The following WAC variants were observed in gnomAD, a reference collection of about 807,000 sequenced individuals.
The protein encoded by WAC is WW domain-containing adapter protein with coiled-coil.
In WAC, 11 loss-of-function variants were observed where a neutral mutation model predicts 79.6. That is an observed-to-expected ratio of 0.14 (90% confidence interval 0.09 to 0.23). WAC has a LOEUF of 0.23. Among genes scored for constraint, WAC ranks in the 10% least tolerant of loss-of-function variants. The probability of loss-of-function intolerance (pLI) is 1.00; values close to 1 mark genes in which losing one functional copy is unlikely to be tolerated. For missense variants in WAC, 728 were observed against 773.5 expected, an observed-to-expected ratio of 0.94 and a Z score of 0.70; for synonymous variants, 304 against 276.9, an observed-to-expected ratio of 1.10 and a Z score of -0.97.
At chr10:28,614,499 A>T in intron 10 of WAC, 68 bp from the exon 11 acceptor site, 1 of 1,151,136 alleles carries the variant, frequency 8.7e-7, no homozygotes, top group Non-Finnish European at 1.3e-6. Context: ...CAAGACGATT[A>T]CCTAGATTTT....
In WAC at chr10:28,586,854, T is replaced by C. The variant is rs1839844010; in HGVS notation, c.382-2882T>C. On this transcript the variant is annotated intron_variant, in intron 4 of 13. Coordinates refer to ENST00000354911, the MANE Select transcript of WAC (RefSeq NM_016628.5). ...TAATTGAGATTTTCCCTTCTAAATA[T>C]TCTATGCCAATTTTGATTTGCTGGG... 2.6e-5 allele frequency among the ~76,000 whole-genome samples: 4 copies of C among 152,346 alleles called. No individual in the cohort carries two copies. The South Asian group carries it at 6.2e-4, about 24-fold the overall frequency.
rs145366154 is a variant in WAC, at chr10:28,592,354, T to G, written c.610+1522T>G. Among the ~76,000 whole-genome samples the G allele has an allele frequency of 2.9e-3, 437 of 152,250 alleles. 3 individuals are homozygous for G. Among genetic ancestry groups the G allele is most frequent in the African/African-American group, 9.9e-3 (410 of 41,530 alleles). On this transcript the variant is annotated intron_variant, in intron 6 of 13. Coordinates refer to ENST00000354911, the MANE Select transcript of WAC (RefSeq NM_016628.5). ...ATGAGTGACAGATGGCTGGGTGTGA[T>G]GGCTCACACCTGTAATCCCAACACT...
chr10:28,563,845 T>A (rs1186687270), intron 3 of WAC, among the ~76,000 whole-genome samples: 1 of 149,666 alleles, frequency 6.7e-6, no homozygotes, highest in East Asian at 2.0e-4. Flanking sequence ...CGTGATCCGC[T>A]GCCTTGGTCT....
At chr10:28,608,516 CTTTGT>C (rs1841069475) in intron 8 of WAC, 85 bp downstream of exon 8, 2 of 1,335,112 alleles carry the variant, frequency 1.5e-6, no homozygotes, top group South Asian at 1.6e-5. Flanking sequence ...TAGGAATGGT[CTTTGT>C]TTTCTTTTGA....
chr10:28,616,256 C>A lies in WAC; in HGVS notation c.1640C>A (p.Ser547Tyr). 5 of 1,614,064 alleles carry A rather than the reference C, an allele frequency of 3.1e-6. No individual in the cohort carries two copies. Among genetic ancestry groups the A allele is most frequent in the East Asian group, 2.2e-5 (1 of 44,870 alleles). The change falls in exon 12 of 14, where the codon TCT (serine) becomes TAT (tyrosine). Residue 547 changes from serine (S) to tyrosine (Y), a missense_variant. By Grantham distance (144) the Ser-to-Tyr change is moderately radical (BLOSUM62 -2). Around this residue, in one of 3 missense-constraint regions of WAC, gnomAD observed 648 missense variants for 661.5 expected, o/e 0.98. Transcript: ENST00000354911. ...AATGCAACAGTTGTACCACAGAATT[C>A]TTCTGCCCGATCCACGTGTTCATTA... is the stretch of plus-strand genomic sequence containing the variant. ...ASNATVVPQNSSARSTCSLTP... is the reference protein window; with the variant it reads ...ASNATVVPQNYSARSTCSLTP...
chr10:28,587,850 G>A (rs995603911), intron 4 of WAC, among the ~76,000 whole-genome samples: 1 of 152,006 alleles, frequency 6.6e-6, no homozygotes, highest in African/African-American at 2.4e-5. Context: ...ACCGGTGCTC[G>A]GGTTTGTGAA....
rs751673681 is a variant in WAC, at chr10:28,608,172, A to G, written c.920-14A>G. 6.2e-7 allele frequency: 1 copy of G among 1,612,260 alleles called. No homozygotes were observed. Among genetic ancestry groups the G allele is most frequent in the Non-Finnish European group, 8.5e-7 (1 of 1,179,086 alleles). On this transcript the variant is annotated splice_polypyrimidine_tract_variant and intron_variant, in intron 7 of 13. Transcript: ENST00000354911. ...ATTCAGGTAATTTTTCAGGCTGATTATCTTTTTATTTAGAATCTACATCAG... is the reference window on the plus strand; with the variant it reads ...ATTCAGGTAATTTTTCAGGCTGATTGTCTTTTTATTTAGAATCTACATCAG...
At chr10:28,532,900 G>A (rs574337263), upstream of WAC, 1 of 153,092 alleles carries the variant, frequency 6.5e-6, no homozygotes, top group African/African-American at 2.4e-5. Flanking sequence ...ATCCCTAAAC[G>A]GGAACGGCGG....
chr10:28,582,480 T>A (rs1839588770), intron 3 of WAC, among the ~76,000 whole-genome samples: 1 of 152,248 alleles, frequency 6.6e-6, no homozygotes, highest in Non-Finnish European at 1.5e-5. Context: ...TTCTAACTGA[T>A]AATTCCTGGA....
At chr10:28,591,261 A>G (rs1212639947) in intron 6 of WAC, 1 of 163,794 alleles carries the variant, frequency 6.1e-6, no homozygotes, top group African/African-American at 2.4e-5. Context: ...TTGTTTTTTT[A>G]TGTTACCAGT....
At chr10:28,569,953 G>T (rs1838855008) in intron 3 of WAC, among the ~76,000 whole-genome samples, 1 of 152,120 alleles carries the variant, frequency 6.6e-6, no homozygotes, top group Non-Finnish European at 1.5e-5. Context: ...GTTATCAATG[G>T]CTCTATCCAA....
At chr10:28,559,136 A>ATATGTGTGTGTGTG (rs1554780979) in intron 3 of WAC, among the ~76,000 whole-genome samples, 5 of 146,762 alleles carry the variant, frequency 3.4e-5, no homozygotes, top group African/African-American at 5.2e-5. Flanking sequence ...GAGAAACCTG[A>ATATGTGTGTGTGTG]TGTGTGTGTG....
At chr10:28,608,467 G>T (rs1010725250) in intron 8 of WAC, 36 bp downstream of exon 8, 5 of 1,534,566 alleles carry the variant, frequency 3.3e-6, no homozygotes, top group Non-Finnish European at 3.5e-6. Context: ...AAATTTATTT[G>T]CATTGTGCAA....
At chr10:28,573,714 T>A (rs1375683028) in intron 3 of WAC, among the ~76,000 whole-genome samples, 1 of 152,234 alleles carries the variant, frequency 6.6e-6, no homozygotes, top group Admixed American at 6.5e-5. Flanking sequence ...AAGTTTTATT[T>A]ATGTGTAATT....
chr10:28,590,878 G>A (rs369491779), intron 6 of WAC, 46 bp downstream of exon 6: 33 of 1,418,268 alleles, frequency 2.3e-5, no homozygotes, highest in South Asian at 1.7e-4. Flanking sequence ...TGACTTATTC[G>A]TATTTATTTT....
intron 7 of WAC, among the ~76,000 whole-genome samples, chr10:28,600,379 G>A (rs1180552323): frequency 6.6e-6 from 1 of 152,114 alleles, no homozygotes; most frequent in Admixed American, 6.6e-5. Context: ...TTCAGTATGT[G>A]TTAAAGCTAG....
Position 28,619,662 on chromosome 10 carries a change from A to G in WAC, c.*56A>G, listed in dbSNP as rs984780064. On this transcript the variant is annotated 3_prime_UTR_variant, in exon 14 of 14. Coordinates refer to ENST00000354911, the MANE Select transcript of WAC (RefSeq NM_016628.5). The stretch of plus-strand genomic sequence containing the variant: ...ACAGGAACTGTAAATCTGTTGCCCA[A>G]TCTTAACATTTTTGAGCTGCATTTA... The G allele has an allele frequency of 4.2e-5, 60 of 1,444,872 alleles. No homozygotes were observed. Among genetic ancestry groups the G allele is most frequent in the Admixed American group, 1.1e-4 (4 of 37,330 alleles). 89.5% of individuals were successfully genotyped at this position (1,444,872 alleles called of 1,614,324 possible).
chr10:28,551,653 A>G (rs1837675420), intron 3 of WAC, among the ~76,000 whole-genome samples: 2 of 152,188 alleles, frequency 1.3e-5, no homozygotes, highest in South Asian at 4.1e-4. Context: ...GGTTAAACCC[A>G]TCCCCAATAA....
intron 3 of WAC, among the ~76,000 whole-genome samples, chr10:28,543,993 A>AT (rs1837207226): frequency 6.6e-6 from 1 of 152,014 alleles, no homozygotes; most frequent in African/African-American, 2.4e-5. Context: ...AGGTCAAGTG[A>AT]TTTTCCCGCC....
Sources: gnomAD v4.1 joint callset for allele counts (sites outside exome capture counted in the v4.1 genomes callset) on GRCh38, gnomAD v4.1.1 for gene constraint, gnomAD v4.1.1 regional missense constraint, MANE v1.5 for transcripts, NCBI Gene and HGNC (gene_info 2026-07-23, HGNC 2026-07-21) for gene names.